R3HDM1: variants seen among roughly 807,000 people sequenced by gnomAD.
R3HDM1 encodes the protein R3H domain containing 1.
Under a neutral mutation model 141.1 loss-of-function variants are expected in R3HDM1, and 46 were observed. The ratio of observed to expected loss-of-function variants is 0.33; its 90% CI spans 0.26 to 0.42. R3HDM1 has a LOEUF of 0.42. Among genes scored for constraint, R3HDM1 ranks in the 10% least tolerant of loss-of-function variants. The pLI is 1.00. For missense variants in R3HDM1, 1,184 were observed against 1,368.3 expected, an observed-to-expected ratio of 0.87 and a Z score of 2.12; for synonymous variants, 435 against 472.9, an observed-to-expected ratio of 0.92 and a Z score of 1.04.
chr2:135,645,562 ACTTGC>A (rs752915483), intron 16 of R3HDM1, 35 bp downstream of exon 16: 16 of 1,600,878 alleles, frequency 1.0e-5, no homozygotes, highest in Middle Eastern at 1.7e-4. Context: ...TGCTAAGTTG[ACTTGC>A]CTTTACATAT....
intron 7 of R3HDM1, among the ~76,000 whole-genome samples, chr2:135,624,876 T>C (rs1018511828): frequency 1.6e-4 from 25 of 152,178 alleles, no homozygotes; most frequent in Admixed American, 1.6e-3. Flanking sequence ...GATGATCATT[T>C]TTATATGGAA....
chr2:135,616,806 A>G, intron 5 of R3HDM1, 49 bp downstream of exon 5: 1 of 1,409,034 alleles, frequency 7.1e-7, no homozygotes, highest in Non-Finnish European at 9.9e-7. Flanking sequence ...GAACTGGAGA[A>G]TTTTTGTATA....
chr2:135,587,076 G>A (rs1035353335), intron 1 of R3HDM1: 2 of 766,982 alleles, frequency 2.6e-6, no homozygotes, highest in African/African-American at 3.8e-5. Context: ...TCATTGCTAT[G>A]ATTAACATAA....
intron 9 of R3HDM1, among the ~76,000 whole-genome samples, chr2:135,632,943 TA>T (rs2062865910): frequency 6.6e-6 from 1 of 152,224 alleles, no homozygotes; most frequent in South Asian, 2.1e-4. Flanking sequence ...TTTTCTGATT[TA>T]TGGTCTTTTG....
chr2:135,638,552 G>A lies in R3HDM1; in HGVS notation c.904-66G>A, dbSNP rs943457479. ...CACATGATTTTTGTTGTCATCATTG[G>A]TTTACAGATGGCATTACGTTATATT... On this transcript the variant is annotated intron_variant, in intron 11 of 26. Coordinates refer to ENST00000683871, the MANE Select transcript of R3HDM1 (RefSeq NM_001378107.1). 1.6e-5 allele frequency: 24 copies of A among 1,460,146 alleles called. No individual in the cohort carries two copies. The African/African-American group carries it at 3.0e-4, about 18-fold the overall frequency. 90.4% of individuals were successfully genotyped at this position (1,460,146 alleles called of 1,614,324 possible).
At chr2:135,538,899 C>T (rs1247920682) in intron 1 of R3HDM1, among the ~76,000 whole-genome samples, 1 of 151,950 alleles carries the variant, frequency 6.6e-6, no homozygotes, top group Non-Finnish European at 1.5e-5. Context: ...CAGACGTGAG[C>T]CACCACGCCT....
chr2:135,532,451 A>G (rs764948839), intron 1 of R3HDM1, among the ~76,000 whole-genome samples: 27 of 152,158 alleles, frequency 1.8e-4, no homozygotes, highest in African/African-American at 6.0e-4. Flanking sequence ...TATTGGGACT[A>G]TCATGCTCCG....
chr2:135,650,096 G>A, intron 17 of R3HDM1, 93 bp downstream of exon 17: 1 of 1,023,406 alleles, frequency 9.8e-7, no homozygotes, highest in South Asian at 3.9e-5. Context: ...GATCTTTTGT[G>A]ATTTTTTTTG....
At chr2:135,544,963 TA>T (rs942970509) in intron 1 of R3HDM1, among the ~76,000 whole-genome samples, 26 of 151,180 alleles carry the variant, frequency 1.7e-4, no homozygotes, top group African/African-American at 6.1e-4. Flanking sequence ...AAACTCTGTC[TA>T]AAAAAAAAGA....
intron 1 of R3HDM1, chr2:135,561,200 A>G: frequency 1.7e-6 from 1 of 581,592 alleles, no homozygotes; most frequent in Non-Finnish European, 2.2e-6. Context: ...TGCACTGTAC[A>G]TTCTGTGAGA....
intron 7 of R3HDM1, among the ~76,000 whole-genome samples, chr2:135,625,657 G>T (rs1247317790): frequency 6.6e-6 from 1 of 152,098 alleles, no homozygotes; most frequent in Non-Finnish European, 1.5e-5. Flanking sequence ...AAGGACAAAG[G>T]CATGTTCAGA....
chr2:135,616,923 T>A (rs2105160135), intron 5 of R3HDM1, among the ~76,000 whole-genome samples, 166 bp downstream of exon 5: 1 of 152,326 alleles, frequency 6.6e-6, no homozygotes, highest in Non-Finnish European at 1.5e-5. Context: ...ACCTCTTTGC[T>A]TCAATCTAAG....
chr2:135,630,673 T>C (rs1422587796), intron 7 of R3HDM1, among the ~76,000 whole-genome samples: 3 of 152,162 alleles, frequency 2.0e-5, no homozygotes, highest in Non-Finnish European at 2.9e-5. Context: ...TCTATTGAAA[T>C]TGAGAATAAT....
rs2074202038 is a variant in R3HDM1, at chr2:135,701,495, A to T, written c.2460-7938A>T. Among the ~76,000 whole-genome samples, 9 of 152,166 alleles carry T rather than the reference A, an allele frequency of 5.9e-5. No homozygotes were observed. In the South Asian group the frequency reaches 1.9e-3, roughly 32 times the overall value. ...GATGATGAAATGCATATGTGATGAG[A>T]TGAAGTGAGGTGAGGTGAATGATTG... On this transcript the variant is annotated intron_variant, in intron 21 of 26. Coordinates refer to ENST00000683871, the MANE Select transcript of R3HDM1 (RefSeq NM_001378107.1).
rs185414489 is a variant in R3HDM1 at position 135,723,922 on chromosome 2, C to T, written c.3050-15C>T. The stretch of plus-strand genomic sequence containing the variant: ...GTAACAGGAATGTATTGATTCTGTA[C>T]CTTTTCTATTCTAGTTGTTGGGAAG... On this transcript the variant is annotated splice_polypyrimidine_tract_variant and intron_variant, in intron 26 of 26. Coordinates refer to ENST00000683871, the MANE Select transcript of R3HDM1 (RefSeq NM_001378107.1). 4.4e-4 allele frequency: 694 copies of T among 1,587,826 alleles called. No individual in the cohort carries two copies. Among genetic ancestry groups the T allele is most frequent in the South Asian group, 7.5e-4 (67 of 88,824 alleles).
rs1015314415 is a variant in R3HDM1 at position 135,537,921 on chromosome 2, G to A, written c.-250+6288G>A. Among the ~76,000 whole-genome samples, 14 of 152,082 alleles carry A rather than the reference G, an allele frequency of 9.2e-5. No individual in the cohort carries two copies. In the East Asian group the frequency reaches 1.2e-3, roughly 13 times the overall value. On this transcript the variant is annotated intron_variant, in intron 1 of 26. Transcript: ENST00000683871. The stretch of plus-strand genomic sequence containing the variant: ...ACTGGGAACAACCCAAATGTCCTTC[G>A]CTGCGTGAATTATTGAACTGTGATA...
chr2:135,608,268 A>G (rs1307919301), intron 3 of R3HDM1, among the ~76,000 whole-genome samples: 1 of 152,070 alleles, frequency 6.6e-6, no homozygotes, highest in Non-Finnish European at 1.5e-5. Context: ...GTGAACCGAG[A>G]TCACGCCACT....
intron 5 of R3HDM1, chr2:135,619,867 C>A: frequency 3.8e-6 from 1 of 260,710 alleles, no homozygotes; most frequent in Non-Finnish European, 6.0e-6. Context: ...ACCTCAATAA[C>A]AGATGTTATT....
At chr2:135,565,053 T>A (rs1702463686) in intron 1 of R3HDM1, among the ~76,000 whole-genome samples, 1 of 152,172 alleles carries the variant, frequency 6.6e-6, no homozygotes, top group Non-Finnish European at 1.5e-5. Flanking sequence ...TATTTCCATT[T>A]AACACAGCCA....
Sources: allele counts gnomAD v4.1 joint callset (sites outside exome capture counted in the v4.1 genomes callset), GRCh38; gene constraint gnomAD v4.1.1; transcripts MANE v1.5; gene names NCBI Gene and HGNC (gene_info 2026-07-23, HGNC 2026-07-21).